Variants in MIPEP observed in about 807,000 individuals in gnomAD.
The protein encoded by MIPEP is mitochondrial intermediate peptidase.
Under a neutral mutation model 90.3 loss-of-function variants are expected in MIPEP, and 79 were observed. The observed-to-expected ratio is 0.87, with a 90% CI of 0.73 to 1.05. The LOEUF is 1.05. Among genes scored for constraint, MIPEP ranks in the 50% least tolerant of loss-of-function variants. The probability of loss-of-function intolerance (pLI) is 0.00; values close to 1 mark genes in which losing one functional copy is unlikely to be tolerated. For synonymous variants in MIPEP, 334 were observed against 315.8 expected, an observed-to-expected ratio of 1.06 and a Z score of -0.61; for missense variants, 940 against 905.6, an observed-to-expected ratio of 1.04 and a Z score of -0.49.
At chr13:23,797,500 T>C (rs892075225) in intron 16 of MIPEP, among the ~76,000 whole-genome samples, 1 of 152,114 alleles carries the variant, frequency 6.6e-6, no homozygotes, top group Non-Finnish European at 1.5e-5. Flanking sequence ...ACAGTGGGTG[T>C]CATTCCCACT....
intron 4 of MIPEP, among the ~76,000 whole-genome samples, chr13:23,878,238 G>A (rs1198175108): frequency 6.6e-6 from 1 of 152,218 alleles, no homozygotes; most frequent in Non-Finnish European, 1.5e-5. Context: ...TAACGATAAA[G>A]CTTAAACTAC....
intron 14 of MIPEP, among the ~76,000 whole-genome samples, chr13:23,819,706 T>A (rs55887622): frequency 6.8e-6 from 1 of 147,200 alleles, no homozygotes; most frequent in Admixed American, 6.8e-5. Flanking sequence ...CACTTTTTAT[T>A]AAAAAAAAAA....
chr13:23,799,003 T>TG (rs1463017471), intron 16 of MIPEP, among the ~76,000 whole-genome samples: 2 of 107,134 alleles, frequency 1.9e-5, no homozygotes, highest in East Asian at 4.4e-4. Context: ...TTTTTTGGTT[T>TG]TTTTTTTTTT....
intron 18 of MIPEP, 29 bp downstream of exon 18, chr13:23,756,516 T>C: frequency 6.2e-7 from 1 of 1,603,692 alleles, no homozygotes; most frequent in Non-Finnish European, 8.5e-7. Context: ...GCTTTCATTA[T>C]AGATGGTGCC....
intron 16 of MIPEP, among the ~76,000 whole-genome samples, chr13:23,761,550 C>T (rs1371033312): frequency 6.6e-6 from 1 of 152,200 alleles, no homozygotes; most frequent in African/African-American, 2.4e-5. Context: ...CACAGTTCCA[C>T]TGGAAACTTC....
intron 16 of MIPEP, among the ~76,000 whole-genome samples, chr13:23,769,739 T>C (rs1952629850): frequency 6.6e-6 from 1 of 152,158 alleles, no homozygotes; most frequent in Non-Finnish European, 1.5e-5. Flanking sequence ...ATGGGACAAT[T>C]TGATGTCACA....
intron 16 of MIPEP, among the ~76,000 whole-genome samples, chr13:23,777,579 G>A (rs534379883): frequency 6.6e-6 from 1 of 152,184 alleles, no homozygotes; most frequent in Admixed American, 6.5e-5. Context: ...GAAGCTGGGT[G>A]AAAGGTACTT....
chr13:23,815,243 T>C (rs1419656122), intron 14 of MIPEP, among the ~76,000 whole-genome samples: 2 of 152,222 alleles, frequency 1.3e-5, no homozygotes, highest in Non-Finnish European at 2.9e-5. Context: ...ACAGGAATTA[T>C]AGCTAAACAA....
At chr13:23,732,161 A>G (rs1952213245) in intron 18 of MIPEP, among the ~76,000 whole-genome samples, 1 of 151,436 alleles carries the variant, frequency 6.6e-6, no homozygotes, top group Admixed American at 6.6e-5. Flanking sequence ...GCTAGTTTTT[A>G]AACTTCTTGT....
At chr13:23,856,031 G>C (rs1870032630) in intron 10 of MIPEP, among the ~76,000 whole-genome samples, 2 of 152,226 alleles carry the variant, frequency 1.3e-5, no homozygotes, top group African/African-American at 4.8e-5. Flanking sequence ...AGTTTGAATA[G>C]GGGCTATGAA....
chr13:23,818,097 A>C (rs1462119274), intron 14 of MIPEP, among the ~76,000 whole-genome samples: 1 of 152,154 alleles, frequency 6.6e-6, no homozygotes, highest in Non-Finnish European at 1.5e-5. Context: ...AGCAGCGTTA[A>C]AAGAAAAACT....
At chr13:23,871,816 T>A (rs538602572) in intron 5 of MIPEP, among the ~76,000 whole-genome samples, 1 of 152,304 alleles carries the variant, frequency 6.6e-6, no homozygotes, top group Admixed American at 6.5e-5. Flanking sequence ...ATATGGCCAT[T>A]TATCACCACC....
intron 4 of MIPEP, among the ~76,000 whole-genome samples, chr13:23,875,644 T>C (rs1871040362): frequency 6.6e-6 from 1 of 150,784 alleles, no homozygotes; most frequent in Non-Finnish European, 1.5e-5. Flanking sequence ...AATAGATATA[T>C]TTACCTTCCT....
intron 3 of MIPEP, 109 bp from the exon 4 acceptor site, chr13:23,879,463 A>T: frequency 1.6e-6 from 1 of 638,472 alleles, no homozygotes; most frequent in Non-Finnish European, 2.8e-6. Context: ...CCAGAAGCTG[A>T]ACAGCATAAC....
chr13:23,767,770 A>AT (rs940270711), intron 16 of MIPEP, among the ~76,000 whole-genome samples: 11 of 151,540 alleles, frequency 7.3e-5, no homozygotes, highest in Admixed American at 2.6e-4. Context: ...ATATTTTTTA[A>AT]TTTTTTTTTG....
chr13:23,823,096 G>T (rs1373190433), intron 14 of MIPEP, among the ~76,000 whole-genome samples: 2 of 152,046 alleles, frequency 1.3e-5, no homozygotes, highest in Non-Finnish European at 2.9e-5. Context: ...CTTAGAAAAA[G>T]AAACAGTCAT....
intron 14 of MIPEP, among the ~76,000 whole-genome samples, chr13:23,827,412 G>A (rs1398819678): frequency 6.6e-6 from 1 of 152,156 alleles, no homozygotes; most frequent in African/African-American, 2.4e-5. Context: ...CTTATGACTA[G>A]TAAGGATTCA....
At chr13:23,833,088 C>A (rs1396126403) in intron 14 of MIPEP, among the ~76,000 whole-genome samples, 1 of 152,164 alleles carries the variant, frequency 6.6e-6, no homozygotes, top group Non-Finnish European at 1.5e-5. Context: ...TAAAAAAATC[C>A]TTTCCTGAAA....
At chr13:23,798,521 A>G in intron 16 of MIPEP, among the ~76,000 whole-genome samples, 1 of 152,180 alleles carries the variant, frequency 6.6e-6, no homozygotes, top group East Asian at 1.9e-4. Context: ...TAGATTATAT[A>G]AATCCCCCGA....
Sources: gnomAD v4.1 joint callset for allele counts (sites outside exome capture counted in the v4.1 genomes callset) on GRCh38, gnomAD v4.1.1 for gene constraint, MANE v1.5 for transcripts, NCBI Gene and HGNC (gene_info 2026-07-23, HGNC 2026-07-21) for gene names.